Variants in QKI observed in about 807,000 individuals in gnomAD.
QKI encodes QKI, KH domain containing RNA binding, also known as KH domain-containing RNA-binding protein QKI.
In QKI, 10 loss-of-function variants were observed where a neutral mutation model predicts 39.0. The observed-to-expected ratio is 0.26, with a 90% CI of 0.16 to 0.43. QKI has a LOEUF of 0.43. Ranked by LOEUF, QKI falls within the 20% of genes least tolerant of loss-of-function variation. The probability of loss-of-function intolerance (pLI) is 1.00; values close to 1 mark genes in which losing one functional copy is unlikely to be tolerated. For synonymous variants in QKI, 204 were observed against 155.4 expected (o/e 1.31, Z -2.33); for missense variants, 218 against 428.0 (o/e 0.51, Z 4.33).
At chr6:163,441,201 C>G (rs1278623504) in intron 1 of QKI, among the ~76,000 whole-genome samples, 1 of 152,096 alleles carries the variant, frequency 6.6e-6, no homozygotes, top group Non-Finnish European at 1.5e-5. Flanking sequence ...GTAAGATACA[C>G]TGGAAGAATT....
chr6:163,523,666 T>C (rs1780296701), intron 3 of QKI, among the ~76,000 whole-genome samples: 1 of 152,244 alleles, frequency 6.6e-6, no homozygotes, highest in South Asian at 2.1e-4. Context: ...AGAGCTACTT[T>C]GTTTATACAT....
chr6:163,492,520 CAG>C (rs377284923), intron 3 of QKI, among the ~76,000 whole-genome samples: 59 of 151,944 alleles, frequency 3.9e-4, no homozygotes, highest in Middle Eastern at 3.2e-3. Context: ...TTTTTAAAAA[CAG>C]TAATAGAAAT....
chr6:163,510,929 A>G (rs973988368), intron 3 of QKI, among the ~76,000 whole-genome samples: 2 of 152,200 alleles, frequency 1.3e-5, no homozygotes, highest in African/African-American at 4.8e-5. Context: ...ATTCTTGATC[A>G]TATTGATGTT....
chr6:163,437,920 CTTTTAAAAA>C (rs934238124), intron 1 of QKI, among the ~76,000 whole-genome samples: 1 of 152,014 alleles, frequency 6.6e-6, no homozygotes, highest in Non-Finnish European at 1.5e-5. Flanking sequence ...AAGCTCTGAC[CTTTTAAAAA>C]GAGTGTTGGA....
chr6:163,569,613 C>T, intron 7 of QKI: 4 of 1,011,868 alleles, frequency 4.0e-6, no homozygotes, highest in South Asian at 3.8e-5. Context: ...GGAATGATAA[C>T]TTTTCCACTT....
chr6:163,519,692 G>T (rs1297426242), intron 3 of QKI, among the ~76,000 whole-genome samples: 1 of 151,784 alleles, frequency 6.6e-6, no homozygotes, highest in Non-Finnish European at 1.5e-5. Flanking sequence ...TTTTCAAAAA[G>T]ATGTTTTCTC....
At chr6:163,550,663 A>C (rs767707774) in intron 4 of QKI, among the ~76,000 whole-genome samples, 1 of 151,782 alleles carries the variant, frequency 6.6e-6, no homozygotes, top group African/African-American at 2.4e-5. Context: ...AGAGCTGCTT[A>C]TGGCTGGGCG....
intron 1 of QKI, 99 bp downstream of exon 1, chr6:163,415,434 C>G (rs1290714646): frequency 1.1e-6 from 1 of 892,064 alleles, no homozygotes; most frequent in Non-Finnish European, 1.5e-6. Context: ...CACGGCCGGG[C>G]GGGACCGAGC....
chr6:163,512,501 T>G (rs1446965081), intron 3 of QKI, among the ~76,000 whole-genome samples: 1 of 152,010 alleles, frequency 6.6e-6, no homozygotes, highest in African/African-American at 2.4e-5. Flanking sequence ...TGAAAATATA[T>G]AAAGCAAAAA....
At chr6:163,422,658 A>G (rs1189485903) in intron 1 of QKI, among the ~76,000 whole-genome samples, 1 of 152,220 alleles carries the variant, frequency 6.6e-6, no homozygotes, top group Non-Finnish European at 1.5e-5. Context: ...ATGTAAGTAA[A>G]GGGCATGTGT....
chr6:163,471,639 T>C (rs112254558), intron 2 of QKI, among the ~76,000 whole-genome samples: 2,024 of 152,260 alleles, frequency 0.013, 43 homozygotes, highest in South Asian at 0.063. Flanking sequence ...TGAACAAGCA[T>C]ATAACTTCCA....
intron 1 of QKI, among the ~76,000 whole-genome samples, chr6:163,454,427 A>T (rs1790784206): frequency 6.6e-6 from 1 of 152,100 alleles, no homozygotes; most frequent in Admixed American, 6.6e-5. Context: ...AACCCAGTGT[A>T]GCTTGATCTG....
chr6:163,482,829 T>C (rs73244778), intron 3 of QKI, among the ~76,000 whole-genome samples: 3,077 of 148,402 alleles, frequency 0.021, 101 homozygotes, highest in African/African-American at 0.072. Flanking sequence ...GGTTTCATTA[T>C]GTAGGCATGA....
At chr6:163,568,279 GC>G in intron 7 of QKI, 1 of 984,898 alleles carries the variant, frequency 1.0e-6, no homozygotes, top group Non-Finnish European at 1.2e-6. Context: ...CCCTATGTAT[GC>G]CCCCTTTTAG....
intron 3 of QKI, among the ~76,000 whole-genome samples, chr6:163,509,102 C>T (rs1779278616): frequency 6.6e-6 from 1 of 152,142 alleles, no homozygotes; most frequent in Admixed American, 6.5e-5. Flanking sequence ...TGTGCCACTG[C>T]ACTCCAGCCT....
rs74622009 is a variant in QKI at position 163,493,568 on chromosome 6, A to G, written c.402+14672A>G. Among the ~76,000 whole-genome samples, 766 of 152,310 alleles carry G rather than the reference A, an allele frequency of 5.0e-3. 6 individuals are homozygous for G. Among genetic ancestry groups the G allele is most frequent in the East Asian group, 0.026 (135 of 5,164 alleles). On this transcript the variant is annotated intron_variant, in intron 3 of 7. Transcript: ENST00000361752. The stretch of plus-strand genomic sequence containing the variant: ...TATCTGTACTTTATCATTAAGATAA[A>G]TGTGACTGGGCTCCATGGCTCATGC...
intron 3 of QKI, among the ~76,000 whole-genome samples, chr6:163,531,848 T>C (rs1459926140): frequency 6.6e-6 from 1 of 152,198 alleles, no homozygotes; most frequent in Non-Finnish European, 1.5e-5. Flanking sequence ...AGAAGAATTT[T>C]TGGTGGGAGT....
At chr6:163,465,950 C>T (rs1791709314) in intron 2 of QKI, among the ~76,000 whole-genome samples, 2 of 151,756 alleles carry the variant, frequency 1.3e-5, no homozygotes, top group South Asian at 4.2e-4. Flanking sequence ...ATGGTGAAAC[C>T]CTGTCTCTAC....
intron 1 of QKI, among the ~76,000 whole-genome samples, chr6:163,449,995 GTGTATAACATATA>G (rs769939207): frequency 1.3e-3 from 198 of 151,856 alleles, no homozygotes; most frequent in Non-Finnish European, 1.9e-3. Context: ...TAACATATGT[GTGTATAACATATA>G]TGTATAACAT....
Sources: allele counts gnomAD v4.1 joint callset (sites outside exome capture counted in the v4.1 genomes callset), GRCh38; gene constraint gnomAD v4.1.1; transcripts MANE v1.5; gene names NCBI Gene and HGNC (gene_info 2026-07-23, HGNC 2026-07-21).